The following DNM1L variants were observed in gnomAD, a reference collection of about 807,000 sequenced individuals.
The protein encoded by DNM1L is dynamin-1-like protein.
Under a neutral mutation model 92.8 loss-of-function variants are expected in DNM1L, and 33 were observed. The ratio of observed to expected loss-of-function variants is 0.36; its 90% CI spans 0.27 to 0.48. The LOEUF (loss-of-function observed/expected upper bound fraction) is 0.48. DNM1L is among the 20% of genes least tolerant of loss of function. The pLI, the probability that DNM1L is intolerant of heterozygous loss-of-function variation, is 0.99. For missense variants in DNM1L, 485 were observed against 888.8 expected (o/e 0.55, Z 5.78); for synonymous variants, 284 against 305.0 (o/e 0.93, Z 0.72).
Position 32,727,174 on chromosome 12 carries a change from C to T in DNM1L, c.1080-3840C>T. ...TCTGGTTTCCATTCACATTCTTCCT[C>T]TGTAGGTTCATAAATTGTATTAGTA... On this transcript the variant is annotated intron_variant, in intron 9 of 19. Coordinates refer to ENST00000549701, the MANE Select transcript of DNM1L (RefSeq NM_012062.5). The T allele has an allele frequency of 4.1e-5, 36 of 879,958 alleles. No homozygotes were observed. In the South Asian group the frequency reaches 4.8e-4, roughly 12 times the overall value. 54.5% of individuals were successfully genotyped at this position (879,958 alleles called of 1,614,324 possible).
chr12:32,743,462 GCCTA>G lies in DNM1L; in HGVS notation c.*56_*59del, dbSNP rs1955458957. On this transcript the variant is annotated 3_prime_UTR_variant, in exon 20 of 20. Coordinates refer to ENST00000549701, the MANE Select transcript of DNM1L (RefSeq NM_012062.5). ...GTTGACTCAAAACTTGCTAGTTACT[GCCTA>G]CCTGAGTAGAATCTTATTTATGAAC... 8 of 1,539,382 alleles carry G rather than the reference GCCTA, an allele frequency of 5.2e-6. No individual in the cohort carries two copies. Among genetic ancestry groups the G allele is most frequent in the East Asian group, 4.5e-5 (2 of 44,466 alleles).
chr12:32,742,834 G>GTA (rs979255923), intron 19 of DNM1L, 86 bp downstream of exon 19: 4 of 1,314,716 alleles, frequency 3.0e-6, no homozygotes, highest in Non-Finnish European at 3.1e-6. Context: ...TCTTGGATAT[G>GTA]TATAGTCTTT....
chr12:32,690,715 G>A (rs2137246402), intron 1 of DNM1L, among the ~76,000 whole-genome samples: 1 of 152,178 alleles, frequency 6.6e-6, no homozygotes, highest in African/African-American at 2.4e-5. Flanking sequence ...ACTTAAATGA[G>A]GTAAATCACT....
Position 32,743,468 on chromosome 12 carries a change from C to A in DNM1L, c.*58C>A, listed in dbSNP as rs1308003241. 4 of 1,518,586 alleles carry A rather than the reference C, an allele frequency of 2.6e-6. No homozygotes were observed. The highest frequency in any genetic ancestry group is 3.7e-6 in the Non-Finnish European group (4 of 1,095,086). 94.1% of individuals were successfully genotyped at this position (1,518,586 alleles called of 1,614,324 possible). On this transcript the variant is annotated 3_prime_UTR_variant, in exon 20 of 20. Transcript: ENST00000549701. ...TCAAAACTTGCTAGTTACTGCCTAC[C>A]TGAGTAGAATCTTATTTATGAACTC...
At chr12:32,727,538 A>C (rs1954230350) in intron 9 of DNM1L, 3 of 560,510 alleles carry the variant, frequency 5.4e-6, no homozygotes, top group Admixed American at 6.2e-5. Context: ...GGAAAAAAAA[A>C]CCACTCTTAA....
rs149310230 is a variant in DNM1L at position 32,710,988 on chromosome 12, A to G, written c.429A>G (p.Thr143=). 3 of 1,613,904 alleles carry G rather than the reference A, an allele frequency of 1.9e-6. No homozygotes were observed. In the African/African-American group the frequency reaches 4.0e-5, roughly 22 times the overall value. ...KIFSPNVVNL[T]LVDLPGMTKV... is the part of the protein sequence containing the mutation. Reference sequence around the variant, plus strand: ...TTTCACCCAACGTTGTCAATTTGACACTTGTGGATTTGCCAGGAATGACCA... The same window carrying G: ...TTTCACCCAACGTTGTCAATTTGACGCTTGTGGATTTGCCAGGAATGACCA... Residue 143 remains threonine (T), a synonymous_variant, in exon 5 of 20, where the codon ACA becomes ACG. Coordinates refer to ENST00000549701, the MANE Select transcript of DNM1L (RefSeq NM_012062.5).
chr12:32,687,246 C>T (rs10844290), intron 1 of DNM1L, among the ~76,000 whole-genome samples: 23,289 of 150,630 alleles, frequency 0.15, 1,901 homozygotes, highest in Middle Eastern at 0.21. Context: ...AATGTTTTTT[C>T]CCCTAATTAT....
Position 32,736,108 on chromosome 12 carries a change from G to A in DNM1L, c.1540-997G>A, listed in dbSNP as rs182482323. Among the ~76,000 whole-genome samples, 5 of 118,418 alleles carry A rather than the reference G, an allele frequency of 4.2e-5. No homozygotes were observed. The East Asian group carries it at 1.3e-3, about 30-fold the overall frequency. The allele number at this position is 118,418 out of a possible 152,430, so 77.7% of individuals were successfully genotyped here. On this transcript the variant is annotated intron_variant, in intron 13 of 19. Coordinates refer to ENST00000549701, the MANE Select transcript of DNM1L (RefSeq NM_012062.5). Reference sequence around the variant, plus strand: ...TTTTTTTAAGACAGAGTCTCACTCTGTCGCCCAGGCTGGAGTGCAGTGGCA... The same window carrying A: ...TTTTTTTAAGACAGAGTCTCACTCTATCGCCCAGGCTGGAGTGCAGTGGCA...
chr12:32,717,317 TATAC>T (rs1357282090), intron 6 of DNM1L, among the ~76,000 whole-genome samples: 13 of 88,998 alleles, frequency 1.5e-4, no homozygotes, highest in African/African-American at 2.0e-4. Context: ...ATATATTATA[TATAC>T]ACTATATATT....
rs1219166304 is a variant in DNM1L at position 32,743,899 on chromosome 12, C to G, written c.*489C>G. ...CCTCACATAGAGTCATTGTATTCCA[C>G]CTGTCCTTCAATTTAGTTTTTTCTG... On this transcript the variant is annotated 3_prime_UTR_variant, in exon 20 of 20. Coordinates refer to ENST00000549701, the MANE Select transcript of DNM1L (RefSeq NM_012062.5). The G allele has an allele frequency of 6.3e-6, 1 of 159,002 alleles. No homozygotes were observed. Among genetic ancestry groups the G allele is most frequent in the Non-Finnish European group, 1.4e-5 (1 of 71,856 alleles). 9.8% of individuals were successfully genotyped at this position (159,002 alleles called of 1,614,324 possible).
intron 6 of DNM1L, among the ~76,000 whole-genome samples, chr12:32,715,474 T>C (rs1479771446): frequency 6.6e-6 from 1 of 152,052 alleles, no homozygotes; most frequent in African/African-American, 2.4e-5. Flanking sequence ...GGCTCACACT[T>C]GTAATCCCAG....
intron 18 of DNM1L, 97 bp from the exon 19 acceptor site, chr12:32,742,492 T>A (rs1955377518): frequency 4.2e-6 from 6 of 1,436,226 alleles, no homozygotes; most frequent in Non-Finnish European, 5.8e-6. Context: ...AGTAGTAGTG[T>A]TCTTACTTAA....
chr12:32,707,461 T>G, intron 3 of DNM1L, 48 bp downstream of exon 3: 1 of 1,343,718 alleles, frequency 7.4e-7, no homozygotes, highest in Non-Finnish European at 1.0e-6. Flanking sequence ...AAAAAATATA[T>G]TGTATGAATA....
Position 32,711,716 on chromosome 12 carries a change from G to A in DNM1L, c.456+701G>A, listed in dbSNP as rs1335524895. ...TTGAGACCAGCCTGGGCAACATAGGGAGACCACGTCTCTACAAAAAATACA... is the reference window on the plus strand; with the variant it reads ...TTGAGACCAGCCTGGGCAACATAGGAAGACCACGTCTCTACAAAAAATACA... On this transcript the variant is annotated intron_variant, in intron 5 of 19. Transcript: ENST00000549701. 1.3e-3 allele frequency among the ~76,000 whole-genome samples: 192 copies of A among 152,104 alleles called. 1 individual carries two copies. The highest frequency in any genetic ancestry group is 0.013 in the Admixed American group (191 of 15,274).
At chr12:32,682,258 A>G (rs1211258975) in intron 1 of DNM1L, among the ~76,000 whole-genome samples, 1 of 151,838 alleles carries the variant, frequency 6.6e-6, no homozygotes, top group East Asian at 1.9e-4. Flanking sequence ...TCAGCCTCCC[A>G]CATAGCTGGG....
At chr12:32,682,657 G>C (rs1951855752) in intron 1 of DNM1L, among the ~76,000 whole-genome samples, 1 of 152,190 alleles carries the variant, frequency 6.6e-6, no homozygotes. Context: ...CCAGTACCAT[G>C]CTGACTTTGG....
intron 13 of DNM1L, chr12:32,736,897 G>T (rs1347814902): frequency 1.8e-6 from 1 of 554,438 alleles, no homozygotes; most frequent in African/African-American, 1.9e-5. Context: ...TATCCTTCAG[G>T]TGTGTGGGCA....
At chr12:32,706,018 G>T in intron 2 of DNM1L, 1 of 586,312 alleles carries the variant, frequency 1.7e-6, no homozygotes, top group South Asian at 3.9e-5. Context: ...TATTTTTTTT[G>T]GCATTGCATC....
At chr12:32,727,333 T>C in intron 9 of DNM1L, 1 of 809,992 alleles carries the variant, frequency 1.2e-6, no homozygotes, top group Non-Finnish European at 2.2e-6. Context: ...TTCACTCCTC[T>C]TTTAACTACC....
Sources: gnomAD v4.1 joint callset for allele counts (sites outside exome capture counted in the v4.1 genomes callset) on GRCh38, gnomAD v4.1.1 for gene constraint, MANE v1.5 for transcripts, NCBI Gene and HGNC (gene_info 2026-07-23, HGNC 2026-07-21) for gene names.